RAB3B: variants seen among roughly 807,000 people sequenced by gnomAD.
RAB3B encodes ras-related protein Rab-3B.
A neutral mutation model predicts 20.5 loss-of-function variants in RAB3B; 11 were observed. The observed-to-expected ratio is 0.54, with a 90% CI of 0.34 to 0.89. The LOEUF is 0.89. RAB3B is among the 40% of genes least tolerant of loss of function. The pLI is 0.02. For synonymous variants in RAB3B, 99 were observed against 106.3 expected, an observed-to-expected ratio of 0.93 and a Z score of 0.42; for missense variants, 225 against 280.9, an observed-to-expected ratio of 0.80 and a Z score of 1.42.
intron 3 of RAB3B, among the ~76,000 whole-genome samples, chr1:51,936,095 G>A (rs1400984269): frequency 6.6e-6 from 1 of 152,162 alleles, no homozygotes; most frequent in Non-Finnish European, 1.5e-5. Flanking sequence ...AGGCAAAAGG[G>A]AGAAGGAGAC....
At chr1:51,965,122 G>A (rs115516554) in intron 2 of RAB3B, among the ~76,000 whole-genome samples, 1,692 of 152,052 alleles carry the variant, frequency 0.011, 50 homozygotes, top group African/African-American at 0.039. Context: ...AGGTGGCTGA[G>A]GAACGAGAAT....
intron 2 of RAB3B, among the ~76,000 whole-genome samples, chr1:51,949,665 G>A (rs1408928538): frequency 6.6e-6 from 1 of 152,198 alleles, no homozygotes; most frequent in Non-Finnish European, 1.5e-5. Context: ...AGCTCCAGAG[G>A]GGTGTTACAG....
intron 2 of RAB3B, among the ~76,000 whole-genome samples, chr1:51,938,940 T>G (rs1358191760): frequency 2.0e-5 from 3 of 152,162 alleles, no homozygotes; most frequent in Non-Finnish European, 4.4e-5. Context: ...GGATTACAGG[T>G]GTGAACCACT....
chr1:51,935,432 A>G (rs922903587), intron 3 of RAB3B, among the ~76,000 whole-genome samples: 1 of 152,188 alleles, frequency 6.6e-6, no homozygotes. Context: ...CTCAAAGGCC[A>G]GGGCTTGGGA....
chr1:51,920,355 C>A (rs1557961095), intron 4 of RAB3B, among the ~76,000 whole-genome samples: 1 of 152,288 alleles, frequency 6.6e-6, no homozygotes, highest in Non-Finnish European at 1.5e-5. Flanking sequence ...TAATTCCGGG[C>A]TGAGTCATTT....
Position 51,937,278 on chromosome 1 carries a change from A to G in RAB3B, c.347+16T>C. On this transcript the variant is annotated intron_variant, in intron 3 of 4. Coordinates refer to ENST00000371655, the MANE Select transcript of RAB3B (RefSeq NM_002867.4). ...GAACAGTTTGTTAAATGAATGAATG[A>G]ATATGGGTCTCATACCAGTCTTGGA... The G allele has an allele frequency of 6.5e-7, 1 of 1,547,824 alleles. No individual in the cohort carries two copies. The highest frequency in any genetic ancestry group is 8.9e-7 in the Non-Finnish European group (1 of 1,121,962).
chr1:51,976,358 G>A (rs1685009164), intron 2 of RAB3B, among the ~76,000 whole-genome samples: 1 of 151,902 alleles, frequency 6.6e-6, no homozygotes, highest in South Asian at 2.1e-4. Context: ...TGAGAGATGA[G>A]GTCTCACAAT....
At chr1:51,980,873 A>C in intron 1 of RAB3B, 1 of 630,262 alleles carries the variant, frequency 1.6e-6, no homozygotes, top group Non-Finnish European at 2.8e-6. Flanking sequence ...GAAAAATAAA[A>C]TGGAAATTGT....
intron 2 of RAB3B, among the ~76,000 whole-genome samples, chr1:51,954,425 G>A (rs939268403): frequency 1.3e-5 from 2 of 152,152 alleles, no homozygotes; most frequent in African/African-American, 4.8e-5. Context: ...CTTTATGCTT[G>A]GCTGTGATTT....
intron 4 of RAB3B, 102 bp from the exon 5 acceptor site, chr1:51,920,216 C>T: frequency 9.5e-7 from 1 of 1,048,608 alleles, no homozygotes; most frequent in Middle Eastern, 2.1e-4. Context: ...GTCCAGTGCT[C>T]AGCAGTGAAG....
At chr1:51,971,010 C>CAAA (rs3074914) in intron 2 of RAB3B, among the ~76,000 whole-genome samples, 55 of 55,634 alleles carry the variant, frequency 9.9e-4, no homozygotes, top group African/African-American at 1.5e-3. Flanking sequence ...GACTCCGTCT[C>CAAA]AAAAAAAAAA....
Position 51,912,298 on chromosome 1 carries a change from A to AATTTTTTGT in RAB3B, c.*7620_*7628dup, listed in dbSNP as rs1302797819. 1 of 148,808 alleles carries AATTTTTTGT rather than the reference A, an allele frequency of 6.7e-6. No homozygotes were observed. Among genetic ancestry groups the AATTTTTTGT allele is most frequent in the African/African-American group, 2.5e-5 (1 of 40,578 alleles). The allele number at this position is 148,808 out of a possible 1,614,324, so 9.2% of individuals were successfully genotyped here. On this transcript the variant is annotated 3_prime_UTR_variant, in exon 5 of 5. Coordinates refer to ENST00000371655, the MANE Select transcript of RAB3B (RefSeq NM_002867.4). ...TAGGTGCAGGCTACTTTGCCCAGTT[A>AATTTTTTGT]ATTTTTTGTATTTTTTGTAGAGACA...
chr1:51,934,883 TA>T (rs1204982533), intron 3 of RAB3B, among the ~76,000 whole-genome samples: 2 of 149,838 alleles, frequency 1.3e-5, no homozygotes, highest in Non-Finnish European at 3.0e-5. Flanking sequence ...TAAGAGGAAA[TA>T]AAAAAGGACT....
intron 4 of RAB3B, among the ~76,000 whole-genome samples, chr1:51,929,683 A>T (rs1234032582): frequency 1.3e-5 from 2 of 152,160 alleles, no homozygotes; most frequent in African/African-American, 4.8e-5. Flanking sequence ...AAGAGTCCTA[A>T]CTCAAGTAGA....
chr1:51,973,974 T>G (rs1194963816), intron 2 of RAB3B, among the ~76,000 whole-genome samples: 2 of 152,136 alleles, frequency 1.3e-5, no homozygotes, highest in Non-Finnish European at 2.9e-5. Context: ...AAAAGTAAGC[T>G]CTAATAATTT....
At chr1:51,925,519 C>A in intron 4 of RAB3B, among the ~76,000 whole-genome samples, 1 of 152,212 alleles carries the variant, frequency 6.6e-6, no homozygotes. Context: ...CCTGGCATGG[C>A]CTGGTCTCTA....
intron 4 of RAB3B, among the ~76,000 whole-genome samples, chr1:51,932,599 T>C (rs1226375699): frequency 6.6e-6 from 1 of 152,186 alleles, no homozygotes; most frequent in Non-Finnish European, 1.5e-5. Context: ...CTTCATACTA[T>C]TACTTTTGTT....
chr1:51,917,455 G>A lies in RAB3B; in HGVS notation c.*2472C>T, dbSNP rs1021340619. ...GAGTCACAGTTGATTTAATGACAGA[G>A]TCCGGGTCTCCTGATTCCAAGTCCA... On this transcript the variant is annotated 3_prime_UTR_variant, in exon 5 of 5. Transcript: ENST00000371655. 5.3e-5 allele frequency: 8 copies of A among 152,094 alleles called. No individual in the cohort carries two copies. The highest frequency in any genetic ancestry group is 1.9e-4 in the African/African-American group (8 of 41,412). The allele number at this position is 152,094 out of a possible 1,614,324, so 9.4% of individuals were successfully genotyped here. A position where few individuals can be genotyped will look rare whatever the true frequency, so the allele number is the denominator to read the frequency against.
At position 51,937,296 on chromosome 1, in the gene RAB3B, G is replaced by A. The variant is rs775392320; in HGVS notation, c.345C>T (p.Asp115=). The A allele has an allele frequency of 3.1e-6, 5 of 1,598,378 alleles. No homozygotes were observed. In the African/African-American group the frequency reaches 5.4e-5, roughly 17 times the overall value. ...ATGAATGAATATGGGTCTCATACCA[G>A]TCTTGGACAGCATTGAAGGACTCTT... ...TNEESFNAVQ[D]WATQIKTYSW... The change falls in exon 3 of 5, where the codon GAC becomes GAT. Residue 115 remains aspartate, a splice_region_variant and synonymous_variant. Transcript: ENST00000371655.
Sources: allele counts gnomAD v4.1 joint callset (sites outside exome capture counted in the v4.1 genomes callset), GRCh38; gene constraint gnomAD v4.1.1; transcripts MANE v1.5; gene names NCBI Gene and HGNC (gene_info 2026-07-23, HGNC 2026-07-21).